The following SPINK8 variants were observed in gnomAD, a reference collection of about 807,000 sequenced individuals.
The protein encoded by SPINK8 is serine peptidase inhibitor Kazal type 8 (putative).
SPINK8 carries 12 observed loss-of-function variants against 14.4 expected under a neutral mutation model. The observed-to-expected ratio is 0.83, with a 90% CI of 0.53 to 1.35. The LOEUF (loss-of-function observed/expected upper bound fraction) is 1.35, where lower values mean the gene tolerates loss of function less well. SPINK8 is among the 40% of genes most tolerant of loss of function. The pLI is 0.00. For synonymous variants in SPINK8, 32 were observed against 37.6 expected (o/e 0.85, Z 0.55); for missense variants, 103 against 117.0 (o/e 0.88, Z 0.55).
chr3:48,308,705 C>T (rs986929054), intron 7 of SPINK8, among the ~76,000 whole-genome samples: 1 of 152,192 alleles, frequency 6.6e-6, no homozygotes, highest in African/African-American at 2.4e-5. Context: ...CCCTAAAACT[C>T]TTCTCCCCTG....
rs187945349 is a variant in SPINK8, at chr3:48,332,098, G to C, written c.-136+268C>G. Among the ~76,000 whole-genome samples, 161 of 152,314 alleles carry C rather than the reference G, an allele frequency of 1.1e-3. 1 individual carries two copies. Among genetic ancestry groups the C allele is most frequent in the African/African-American group, 3.8e-3 (157 of 41,562 alleles). ...TTCTATTCGGACAATCTTTTTTAAA[G>C]TGTCCTTGTAGACCGCACTGGAATC... On this transcript the variant is annotated intron_variant, in intron 2 of 7. Transcript: ENST00000434006.
At chr3:48,307,430 C>T (rs371100063) in intron 7 of SPINK8, among the ~76,000 whole-genome samples, 39 of 150,674 alleles carry the variant, frequency 2.6e-4, no homozygotes, top group Non-Finnish European at 5.5e-4. Flanking sequence ...CCTTTCCTCC[C>T]TTCCTTCTTC....
At chr3:48,326,272 C>G (rs1264075502) in intron 4 of SPINK8, among the ~76,000 whole-genome samples, 1 of 152,160 alleles carries the variant, frequency 6.6e-6, no homozygotes, top group Non-Finnish European at 1.5e-5. Flanking sequence ...GGCTTAAGTT[C>G]TACACATTCT....
intron 4 of SPINK8, among the ~76,000 whole-genome samples, chr3:48,326,677 G>A (rs1401392825): frequency 6.6e-6 from 1 of 152,024 alleles, no homozygotes; most frequent in Non-Finnish European, 1.5e-5. Flanking sequence ...AGGAGGCCAA[G>A]CCGGATGGAT....
At chr3:48,332,537 G>T (rs184554726) in intron 1 of SPINK8, among the ~76,000 whole-genome samples, 66 bp from the exon 2 acceptor site, 2 of 152,252 alleles carry the variant, frequency 1.3e-5, no homozygotes, top group Admixed American at 1.3e-4. Context: ...AGTCCTTCTA[G>T]CATGCAAGTT....
At chr3:48,327,770 T>C (rs943095973) in intron 4 of SPINK8, among the ~76,000 whole-genome samples, 2 of 152,164 alleles carry the variant, frequency 1.3e-5, no homozygotes, top group African/African-American at 4.8e-5. Flanking sequence ...AAAAATGTTT[T>C]AAGTGAGACG....
chr3:48,325,192 C>T (rs1048220393), intron 4 of SPINK8, among the ~76,000 whole-genome samples: 2 of 152,038 alleles, frequency 1.3e-5, no homozygotes, highest in Non-Finnish European at 2.9e-5. Context: ...TAAGGAGTAT[C>T]TCCATATAAA....
In SPINK8 at chr3:48,328,305, C is replaced by A. The variant is rs1170798328; in HGVS notation, c.37G>T (p.Ala13Ser). The A allele has an allele frequency of 6.2e-7, 1 of 1,611,504 alleles. No individual in the cohort carries two copies. Among genetic ancestry groups the A allele is most frequent in the Non-Finnish European group, 8.5e-7 (1 of 1,178,920 alleles). ...GICSDAILVL[A>S]TSMWMAFAID... Reference sequence around the variant, plus strand: ...GCAAAGGCCATCCACATGGAGGTAGCTAGAACAAGGATGGCGTCTGAGCAG... The same window carrying A: ...GCAAAGGCCATCCACATGGAGGTAGATAGAACAAGGATGGCGTCTGAGCAG... The change falls in exon 4 of 8, where the codon GCT (alanine) becomes TCT (serine). Residue 13 changes from alanine to serine, a missense_variant. Physicochemically the swap from Ala to Ser is moderately conservative, Grantham distance 99. Coordinates refer to ENST00000434006, the MANE Select transcript of SPINK8 (RefSeq NM_001080525.3).
intron 6 of SPINK8, among the ~76,000 whole-genome samples, chr3:48,315,158 C>T (rs2035969881): frequency 6.6e-6 from 1 of 152,162 alleles, no homozygotes; most frequent in African/African-American, 2.4e-5. Context: ...GCATACTTTA[C>T]AGGATTATTT....
At chr3:48,323,931 CTTTT>C (rs34730457) in intron 4 of SPINK8, among the ~76,000 whole-genome samples, 1 of 139,170 alleles carries the variant, frequency 7.2e-6, no homozygotes, top group Non-Finnish European at 1.6e-5. Flanking sequence ...AGTACTTCAA[CTTTT>C]TTTTTTTTTT....
intron 1 of SPINK8, among the ~76,000 whole-genome samples, chr3:48,332,804 CT>C (rs1284698320): frequency 2.0e-5 from 3 of 152,142 alleles, no homozygotes; most frequent in Admixed American, 6.5e-5. Context: ...TGTCCTAACC[CT>C]TGTAAAACAT....
intron 4 of SPINK8, among the ~76,000 whole-genome samples, chr3:48,321,809 G>A (rs1364955104): frequency 3.3e-5 from 5 of 151,064 alleles, no homozygotes; most frequent in African/African-American, 4.9e-5. Flanking sequence ...GCAAGACTCC[G>A]TCTAAAAAAA....
intron 4 of SPINK8, among the ~76,000 whole-genome samples, chr3:48,326,032 G>A (rs1485892091): frequency 6.6e-6 from 1 of 151,700 alleles, no homozygotes; most frequent in East Asian, 1.9e-4. Context: ...GTAGGAGATG[G>A]GTGGGAAAAA....
intron 7 of SPINK8, among the ~76,000 whole-genome samples, 196 bp from the exon 8 acceptor site, chr3:48,307,199 G>A: frequency 6.6e-6 from 1 of 152,156 alleles, no homozygotes; most frequent in Middle Eastern, 3.2e-3. Flanking sequence ...AGAGGCAAAG[G>A]ATGGGGATGT....
intron 6 of SPINK8, among the ~76,000 whole-genome samples, chr3:48,315,530 G>A (rs2035976047): frequency 6.6e-6 from 1 of 152,050 alleles, no homozygotes; most frequent in African/African-American, 2.4e-5. Context: ...AGACCAGCCT[G>A]ACCAACATGG....
intron 5 of SPINK8, 137 bp downstream of exon 5, chr3:48,320,888 G>T: frequency 1.3e-6 from 1 of 770,564 alleles, no homozygotes; most frequent in South Asian, 1.9e-5. Flanking sequence ...CATACTTGGT[G>T]ACTCAGCTTT....
chr3:48,318,676 A>G (rs997426556), intron 6 of SPINK8, among the ~76,000 whole-genome samples: 1 of 152,234 alleles, frequency 6.6e-6, no homozygotes, highest in African/African-American at 2.4e-5. Context: ...AGAATACAAG[A>G]AAGTCCGATC....
intron 6 of SPINK8, among the ~76,000 whole-genome samples, chr3:48,311,791 T>A (rs1048468233): frequency 6.6e-6 from 1 of 152,140 alleles, no homozygotes; most frequent in Non-Finnish European, 1.5e-5. Context: ...AAGAATTAAT[T>A]TAAGATGACA....
At chr3:48,317,954 T>C (rs1440682714) in intron 6 of SPINK8, among the ~76,000 whole-genome samples, 1 of 152,110 alleles carries the variant, frequency 6.6e-6, no homozygotes, top group Non-Finnish European at 1.5e-5. Flanking sequence ...ATGTTGCTCA[T>C]GTCTCAAATC....
Sources: allele counts gnomAD v4.1 joint callset (sites outside exome capture counted in the v4.1 genomes callset), GRCh38; gene constraint gnomAD v4.1.1; transcripts MANE v1.5; gene names NCBI Gene and HGNC (gene_info 2026-07-23, HGNC 2026-07-21).